Variants in MSRA observed in about 807,000 individuals in gnomAD.
The protein encoded by MSRA is methionine sulfoxide reductase A, also known as mitochondrial peptide methionine sulfoxide reductase.
In MSRA, 54 loss-of-function variants were observed where a neutral mutation model predicts 31.3. The ratio of observed to expected loss-of-function variants is 1.73; its 90% CI spans 1.39 to 2.17. MSRA has a LOEUF of 2.17. Among genes scored for constraint, MSRA ranks in the 30% most tolerant of loss-of-function variants. The pLI, the probability that MSRA is intolerant of heterozygous loss-of-function variation, is 0.00. For missense variants in MSRA, 507 were observed against 300.9 expected, an observed-to-expected ratio of 1.69 and a Z score of -5.07; for synonymous variants, 169 against 116.5, an observed-to-expected ratio of 1.45 and a Z score of -2.90.
chr8:10,398,312 T>A (rs1180047742), intron 5 of MSRA, among the ~76,000 whole-genome samples: 1 of 152,222 alleles, frequency 6.6e-6, no homozygotes, highest in Admixed American at 6.5e-5. Flanking sequence ...AAGGGCTGGA[T>A]TCTGCCTTTA....
chr8:10,199,996 C>G (rs911823278), intron 1 of MSRA, among the ~76,000 whole-genome samples: 1 of 152,196 alleles, frequency 6.6e-6, no homozygotes, highest in Non-Finnish European at 1.5e-5. Flanking sequence ...GCTGGCTGGG[C>G]TTTCAGCCTG....
At chr8:10,272,038 A>G (rs1799071529) in intron 3 of MSRA, among the ~76,000 whole-genome samples, 4 of 152,122 alleles carry the variant, frequency 2.6e-5, no homozygotes, top group African/African-American at 9.7e-5. Context: ...CCTCCAATTT[A>G]GCCCCTTTCT....
intron 2 of MSRA, among the ~76,000 whole-genome samples, chr8:10,217,862 G>A (rs151309108): frequency 3.5e-4 from 54 of 152,192 alleles, no homozygotes; most frequent in African/African-American, 6.7e-4. Flanking sequence ...GAGCCAGATC[G>A]CGTATACATT....
chr8:10,100,370 G>A (rs1380430333), intron 1 of MSRA, among the ~76,000 whole-genome samples: 3 of 152,138 alleles, frequency 2.0e-5, no homozygotes, highest in African/African-American at 7.2e-5. Flanking sequence ...CAAGCCCTGT[G>A]CCTTGATCTG....
chr8:10,084,679 A>T (rs1798464915), intron 1 of MSRA, among the ~76,000 whole-genome samples: 1 of 152,310 alleles, frequency 6.6e-6, no homozygotes, highest in East Asian at 1.9e-4. Flanking sequence ...AGAGGTAGGT[A>T]TTATTTTATG....
At chr8:10,108,852 A>G (rs1384720625) in intron 1 of MSRA, among the ~76,000 whole-genome samples, 1 of 152,044 alleles carries the variant, frequency 6.6e-6, no homozygotes, top group African/African-American at 2.4e-5. Context: ...TTACCTCAAC[A>G]TAAAAGCAGC....
At chr8:10,157,970 A>G (rs1030162135) in intron 1 of MSRA, among the ~76,000 whole-genome samples, 1 of 152,182 alleles carries the variant, frequency 6.6e-6, no homozygotes, top group Non-Finnish European at 1.5e-5. Context: ...TGGGTGGCTT[A>G]TATGCAACAG....
chr8:10,062,771 A>G (rs1046646681), intron 1 of MSRA, among the ~76,000 whole-genome samples: 4 of 152,180 alleles, frequency 2.6e-5, no homozygotes, highest in African/African-American at 9.7e-5. Context: ...TATTAACTAG[A>G]TGGAATTTCT....
intron 1 of MSRA, among the ~76,000 whole-genome samples, chr8:10,129,017 G>C (rs900337599): frequency 3.3e-5 from 5 of 152,128 alleles, no homozygotes; most frequent in Non-Finnish European, 5.9e-5. Context: ...TTTCTCACGA[G>C]TTTGCAAGCC....
At chr8:10,311,320 G>C (rs950535133) in intron 4 of MSRA, among the ~76,000 whole-genome samples, 5 of 152,206 alleles carry the variant, frequency 3.3e-5, no homozygotes, top group African/African-American at 1.2e-4. Flanking sequence ...AACCCAGACA[G>C]GTAAGCAGAG....
At chr8:10,248,809 A>G (rs980515807) in intron 3 of MSRA, among the ~76,000 whole-genome samples, 1 of 152,210 alleles carries the variant, frequency 6.6e-6, no homozygotes, top group Non-Finnish European at 1.5e-5. Context: ...GCTTGGTGCC[A>G]CTTGCACCCG....
intron 5 of MSRA, among the ~76,000 whole-genome samples, chr8:10,367,998 A>G (rs906076215): frequency 3.3e-5 from 5 of 152,152 alleles, no homozygotes; most frequent in Non-Finnish European, 7.4e-5. Context: ...ATGCTAGCCC[A>G]TCAGGAAGGG....
At chr8:10,159,990 A>G (rs556968948) in intron 1 of MSRA, among the ~76,000 whole-genome samples, 2 of 152,306 alleles carry the variant, frequency 1.3e-5, no homozygotes, top group South Asian at 2.1e-4. Flanking sequence ...ATAACATGAA[A>G]TCTTTAAAAA....
intron 5 of MSRA, among the ~76,000 whole-genome samples, chr8:10,380,538 C>G (rs928154032): frequency 1.3e-5 from 2 of 152,118 alleles, no homozygotes; most frequent in African/African-American, 4.8e-5. Flanking sequence ...CTGGTTAGCC[C>G]AAAGTAGACT....
In MSRA at chr8:10,088,493, G is replaced by T. The variant is rs528839794; in HGVS notation, c.142+33835G>T. Among the ~76,000 whole-genome samples, 4 of 152,226 alleles carry T rather than the reference G, an allele frequency of 2.6e-5. No individual in the cohort carries two copies. In the East Asian group the frequency reaches 7.7e-4, roughly 29 times the overall value. The stretch of plus-strand genomic sequence containing the variant: ...CTCACACCTGTAATCCCAGCACTTC[G>T]GGAGGCTGAAGCGGGTGGATCACTT... On this transcript the variant is annotated intron_variant, in intron 1 of 5. Transcript: ENST00000317173.
rs187431815 is a variant in MSRA at position 10,392,136 on chromosome 8, G to T, written c.544-36012G>T. On this transcript the variant is annotated intron_variant, in intron 5 of 5. Coordinates refer to ENST00000317173, the MANE Select transcript of MSRA (RefSeq NM_012331.5). ...AAGAGAAGGGGCCCTTGAGAATGGAGCTTTCTGTGTGGCAATGAACATGGA... is the reference window on the plus strand; with the variant it reads ...AAGAGAAGGGGCCCTTGAGAATGGATCTTTCTGTGTGGCAATGAACATGGA... Among the ~76,000 whole-genome samples the T allele has an allele frequency of 2.6e-5, 4 of 152,312 alleles. No homozygotes were observed. The East Asian group carries it at 7.7e-4, about 29-fold the overall frequency.
intron 3 of MSRA, among the ~76,000 whole-genome samples, chr8:10,281,478 G>A (rs1238449437): frequency 1.3e-5 from 2 of 152,206 alleles, no homozygotes; most frequent in Non-Finnish European, 2.9e-5. Flanking sequence ...CCTTGACAAT[G>A]CGGCGGTGCT....
chr8:10,133,814 GT>G lies in MSRA; in HGVS notation c.143-74010del, dbSNP rs746201205. On this transcript the variant is annotated intron_variant, in intron 1 of 5. Transcript: ENST00000317173. ...TCAGTTTAGCTCTTTGGATCCTATG[GT>G]TTTTTTTTGTTGTTGTTCTTTTGTT... is the stretch of plus-strand genomic sequence containing the variant. Among the ~76,000 whole-genome samples, 4 of 151,378 alleles carry G rather than the reference GT, an allele frequency of 2.6e-5. No homozygotes were observed. The South Asian group carries it at 8.4e-4, about 32-fold the overall frequency.
chr8:10,114,794 A>T (rs1418045342), intron 1 of MSRA, among the ~76,000 whole-genome samples: 2 of 152,226 alleles, frequency 1.3e-5, no homozygotes, highest in African/African-American at 2.4e-5. Flanking sequence ...TCAATATTGT[A>T]AAGATGTCAA....
Sources: allele counts gnomAD v4.1 joint callset (sites outside exome capture counted in the v4.1 genomes callset), GRCh38; gene constraint gnomAD v4.1.1; transcripts MANE v1.5; gene names NCBI Gene and HGNC (gene_info 2026-07-23, HGNC 2026-07-21).